Variants in RBPMS observed in about 807,000 individuals in gnomAD.
The protein encoded by RBPMS is RNA binding protein, mRNA processing factor.
RBPMS carries 7 observed loss-of-function variants against 26.8 expected under a neutral mutation model. The observed-to-expected ratio is 0.26, with a 90% CI of 0.15 to 0.49. RBPMS has a LOEUF of 0.49. Ranked by LOEUF, RBPMS falls within the 20% of genes least tolerant of loss-of-function variation. The pLI is 0.98. For missense variants in RBPMS, 186 were observed against 250.0 expected, an observed-to-expected ratio of 0.74 and a Z score of 1.73; for synonymous variants, 96 against 93.3, an observed-to-expected ratio of 1.03 and a Z score of -0.17.
chr8:30,520,928 C>CT (rs1351081009), intron 5 of RBPMS, among the ~76,000 whole-genome samples: 2 of 151,972 alleles, frequency 1.3e-5, no homozygotes, highest in Non-Finnish European at 2.9e-5. Flanking sequence ...AATTGTAAGG[C>CT]TTTGTCAGCA....
In RBPMS at chr8:30,437,064, A is replaced by G. The variant is rs1187787300; in HGVS notation, c.67-37715A>G. ...CAGCCTCCCGAGTAGCTGGGACTATAGGCGCCCGCCACCATGCCCGCTAAT... is the reference window on the plus strand; with the variant it reads ...CAGCCTCCCGAGTAGCTGGGACTATGGGCGCCCGCCACCATGCCCGCTAAT... On this transcript the variant is annotated intron_variant, in intron 1 of 8. Transcript: ENST00000397323. Among the ~76,000 whole-genome samples the G allele has an allele frequency of 2.6e-5, 4 of 151,246 alleles. No homozygotes were observed. The East Asian group carries it at 6.0e-4, about 23-fold the overall frequency.
In RBPMS at chr8:30,558,912, C is replaced by T. The variant is rs1563452021; in HGVS notation, c.554C>T (p.Ala185Val). The change falls in exon 7 of 9, where the codon GCT (alanine) becomes GTT (valine). Residue 185 changes from alanine (A) to valine (V), a missense_variant. By Grantham distance (64) the Ala-to-Val change is moderately conservative. This residue lies in a region of RBPMS where 98 missense variants were observed against 113.6 expected (regional missense o/e 0.86). Transcript: ENST00000397323. ...ATGCGCTGGCTCCCTCCCTCCGAGG[C>T]TACTTCTCAGGGCTGGAAGTCCCGT... The part of the protein sequence containing the change: ...AQMRWLPPSE[A>V]TSQGWKSRQF... The T allele has an allele frequency of 1.2e-6, 2 of 1,614,056 alleles. No homozygotes were observed. Among genetic ancestry groups the T allele is most frequent in the Non-Finnish European group, 1.7e-6 (2 of 1,180,028 alleles).
chr8:30,450,061 G>A (rs1011619508), intron 1 of RBPMS, among the ~76,000 whole-genome samples: 1 of 152,166 alleles, frequency 6.6e-6, no homozygotes, highest in African/African-American at 2.4e-5. Context: ...GCTCACAGAT[G>A]GAAGGCAGGT....
chr8:30,566,184 G>C (rs754943713), intron 7 of RBPMS, 73 bp from the exon 8 acceptor site: 3 of 850,300 alleles, frequency 3.5e-6, no homozygotes, highest in Non-Finnish European at 4.2e-6. Context: ...AGAACAGGCC[G>C]GTCTTCAAGA....
chr8:30,511,483 AAAAATATATATATATATATAT>A (rs1416992320), intron 5 of RBPMS, among the ~76,000 whole-genome samples: 721 of 4,606 alleles, frequency 0.16, 25 homozygotes, highest in African/African-American at 0.24. Context: ...AAAAAAAAAA[AAAAATATATATATATATATAT>A]ATATATATAT....
At chr8:30,416,820 A>G (rs1810140193) in intron 1 of RBPMS, among the ~76,000 whole-genome samples, 1 of 151,562 alleles carries the variant, frequency 6.6e-6, no homozygotes, top group African/African-American at 2.4e-5. Flanking sequence ...CCTAGGCTGG[A>G]CTACAGTGGT....
At chr8:30,530,047 AC>A (rs1444063447) in intron 5 of RBPMS, among the ~76,000 whole-genome samples, 15 of 151,974 alleles carry the variant, frequency 9.9e-5, no homozygotes, top group Non-Finnish European at 1.5e-4. Flanking sequence ...GAGCCACCGC[AC>A]CCGGCCAGAA....
At chr8:30,477,277 C>T (rs1817802232) in intron 2 of RBPMS, among the ~76,000 whole-genome samples, 1 of 152,048 alleles carries the variant, frequency 6.6e-6, no homozygotes, top group African/African-American at 2.4e-5. Context: ...TCTCGATCTC[C>T]AGACCTCATG....
chr8:30,429,539 G>A (rs1811707317), intron 1 of RBPMS, among the ~76,000 whole-genome samples: 1 of 152,104 alleles, frequency 6.6e-6, no homozygotes, highest in African/African-American at 2.4e-5. Context: ...CCAAATTTTT[G>A]TAGTGAAATA....
At chr8:30,507,178 A>G (rs558875711) in intron 5 of RBPMS, among the ~76,000 whole-genome samples, 3 of 152,366 alleles carry the variant, frequency 2.0e-5, no homozygotes, top group African/African-American at 7.2e-5. Context: ...GCTTCAGGCT[A>G]GAAGATGTCA....
chr8:30,462,139 G>A (rs565532787), intron 1 of RBPMS, among the ~76,000 whole-genome samples: 55 of 152,274 alleles, frequency 3.6e-4, no homozygotes, highest in African/African-American at 1.3e-3. Context: ...AGGTGCCCAA[G>A]GGTACAACTG....
chr8:30,483,347 T>TA (rs1198918347), intron 4 of RBPMS, among the ~76,000 whole-genome samples: 1 of 152,220 alleles, frequency 6.6e-6, no homozygotes, highest in African/African-American at 2.4e-5. Flanking sequence ...TGTATTATGT[T>TA]ACACGAGAAC....
intron 6 of RBPMS, chr8:30,547,597 G>A: frequency 1.1e-6 from 1 of 891,480 alleles, no homozygotes; most frequent in East Asian, 2.9e-5. Flanking sequence ...CTGAGGTTTT[G>A]GGAGAATTGG....
chr8:30,521,531 A>G (rs1823020025), intron 5 of RBPMS, among the ~76,000 whole-genome samples: 1 of 152,222 alleles, frequency 6.6e-6, no homozygotes, highest in Non-Finnish European at 1.5e-5. Flanking sequence ...GGCTCTTGGT[A>G]TGGGAATGCT....
intron 4 of RBPMS, among the ~76,000 whole-genome samples, chr8:30,492,723 T>C (rs1162549118): frequency 1.3e-5 from 2 of 152,228 alleles, no homozygotes; most frequent in Admixed American, 1.3e-4. Flanking sequence ...ACTTTTTCAC[T>C]GGATTCACTA....
At chr8:30,422,896 ATTTC>A (rs1176349695) in intron 1 of RBPMS, among the ~76,000 whole-genome samples, 2 of 152,200 alleles carry the variant, frequency 1.3e-5, no homozygotes, top group Non-Finnish European at 2.9e-5. Context: ...TTCAATAAAT[ATTTC>A]TTTTTATCTA....
intron 5 of RBPMS, among the ~76,000 whole-genome samples, chr8:30,510,759 T>G (rs1481803897): frequency 6.6e-6 from 1 of 152,092 alleles, no homozygotes; most frequent in African/African-American, 2.4e-5. Context: ...CTTTATTTTT[T>G]GTAGAGATGG....
chr8:30,386,121 G>C (rs946398759), intron 1 of RBPMS, among the ~76,000 whole-genome samples: 2 of 152,052 alleles, frequency 1.3e-5, no homozygotes, highest in African/African-American at 4.8e-5. Flanking sequence ...GTAGATGCAG[G>C]AAAGTGCACG....
intron 1 of RBPMS, among the ~76,000 whole-genome samples, chr8:30,428,939 A>G (rs1811648235): frequency 6.6e-6 from 1 of 152,176 alleles, no homozygotes; most frequent in African/African-American, 2.4e-5. Context: ...TCCACTAGTA[A>G]CATGCAAAGC....
Sources: allele counts gnomAD v4.1 joint callset (sites outside exome capture counted in the v4.1 genomes callset), GRCh38; gene constraint gnomAD v4.1.1; regional missense constraint gnomAD v4.1.1; transcripts MANE v1.5; gene names NCBI Gene and HGNC (gene_info 2026-07-23, HGNC 2026-07-21).